Variants in TNRC6B observed in about 807,000 individuals in gnomAD.
The protein encoded by TNRC6B is trinucleotide repeat containing adaptor 6B.
Under a neutral mutation model 203.6 loss-of-function variants are expected in TNRC6B, and 52 were observed. The observed-to-expected ratio is 0.26, with a 90% CI of 0.20 to 0.32. The LOEUF (loss-of-function observed/expected upper bound fraction) is 0.32. Among genes scored for constraint, TNRC6B ranks in the 10% least tolerant of loss-of-function variants. TNRC6B has a pLI of 1.00. For missense variants in TNRC6B, 1,923 were observed against 2,286.2 expected, an observed-to-expected ratio of 0.84 and a Z score of 3.24; for synonymous variants, 838 against 845.7, an observed-to-expected ratio of 0.99 and a Z score of 0.16.
intron 7 of TNRC6B, chr22:40,276,766 C>T (rs907203558): frequency 1.4e-5 from 3 of 208,426 alleles, no homozygotes; most frequent in African/African-American, 6.9e-5. Flanking sequence ...TGAAAGTAGT[C>T]GTGTGCAAAA....
rs372820414 is a variant in TNRC6B, at chr22:40,102,463, C to T, written c.-120-14592C>T. Reference sequence around the variant, plus strand: ...TTATTTCTTAATTTTTAAAAGCTGACTTCTGTCTTAGTCTTACATGATTTG... The same window carrying T: ...TTATTTCTTAATTTTTAAAAGCTGATTTCTGTCTTAGTCTTACATGATTTG... On this transcript the variant is annotated intron_variant, in intron 1 of 23. Coordinates refer to the TNRC6B transcript ENST00000301923. Among the ~76,000 whole-genome samples the T allele has an allele frequency of 2.8e-4, 43 of 152,218 alleles. No individual in the cohort carries two copies. The South Asian group carries it at 8.5e-3, about 30-fold the overall frequency.
intron 1 of TNRC6B, among the ~76,000 whole-genome samples, chr22:40,085,745 A>G (rs777576090): frequency 6.6e-6 from 1 of 152,232 alleles, no homozygotes; most frequent in Non-Finnish European, 1.5e-5. Context: ...GTTAACAGCT[A>G]TTGAAGAGCA....
At chr22:40,136,241 A>G (rs1322278782) in intron 3 of TNRC6B, among the ~76,000 whole-genome samples, 2 of 152,190 alleles carry the variant, frequency 1.3e-5, no homozygotes, top group Non-Finnish European at 2.9e-5. Flanking sequence ...AGTTGTAGAG[A>G]TTCTGTAGCT....
At chr22:40,152,607 C>G (rs538889057) in intron 3 of TNRC6B, among the ~76,000 whole-genome samples, 1 of 151,730 alleles carries the variant, frequency 6.6e-6, no homozygotes, top group South Asian at 2.1e-4. Flanking sequence ...GGATTACAGG[C>G]GTGAGCCATC....
intron 6 of TNRC6B, 51 bp downstream of exon 6, chr22:40,270,331 T>C (rs956736715): frequency 3.2e-6 from 4 of 1,235,418 alleles, no homozygotes; most frequent in South Asian, 2.0e-5. Context: ...TTTTTTTTTT[T>C]AATTGAGACG....
chr22:40,046,282 T>C (rs962374049), intron 1 of TNRC6B, among the ~76,000 whole-genome samples: 8 of 152,230 alleles, frequency 5.3e-5, no homozygotes, highest in African/African-American at 1.4e-4. Flanking sequence ...ATGCCTCTTA[T>C]AGAGCGGAAC....
At chr22:40,247,941 G>C (rs1181962147) in intron 2 of TNRC6B, among the ~76,000 whole-genome samples, 2 of 152,096 alleles carry the variant, frequency 1.3e-5, no homozygotes. Flanking sequence ...CGAGTGTGGT[G>C]GTGCACACCT....
intron 4 of TNRC6B, among the ~76,000 whole-genome samples, chr22:40,169,696 T>G (rs1391355546): frequency 1.3e-5 from 2 of 152,154 alleles, no homozygotes; most frequent in Non-Finnish European, 2.9e-5. Context: ...CAGGAAGAGC[T>G]TCTAGAAATA....
At chr22:40,121,085 G>C (rs1480910825) in intron 2 of TNRC6B, among the ~76,000 whole-genome samples, 2 of 152,178 alleles carry the variant, frequency 1.3e-5, no homozygotes, top group African/African-American at 4.8e-5. Context: ...ATTGTCCCAT[G>C]TGGAAGGAAG....
rs6001880 is a variant in TNRC6B, at chr22:40,321,649, G to C, written c.5114+420G>C. The C allele has an allele frequency of 1.2e-3, 208 of 169,084 alleles. 1 individual carries two copies. The highest frequency in any genetic ancestry group is 4.8e-3 in the African/African-American group (202 of 42,374). 10.5% of individuals were successfully genotyped at this position (169,084 alleles called of 1,614,324 possible). A position where few individuals can be genotyped will look rare whatever the true frequency, so the allele number is the denominator to read the frequency against. On this transcript the variant is annotated intron_variant, in intron 22 of 22. Transcript: ENST00000454349. ...AAAACACAAAAAATCAGCCAGGCGT[G>C]GGGGCGCATGCCTGTAGTCCCAGCT...
At chr22:40,062,860 C>T (rs2067865669) in intron 1 of TNRC6B, among the ~76,000 whole-genome samples, 1 of 151,674 alleles carries the variant, frequency 6.6e-6, no homozygotes, top group Non-Finnish European at 1.5e-5. Context: ...GATATAAATC[C>T]CTTTTTAGAC....
chr22:40,174,396 G>A (rs2069035233), upstream of TNRC6B, among the ~76,000 whole-genome samples: 1 of 152,050 alleles, frequency 6.6e-6, no homozygotes, highest in African/African-American at 2.4e-5. Flanking sequence ...GGCCAAGCTG[G>A]TCTCGAACTC....
intron 12 of TNRC6B, among the ~76,000 whole-genome samples, chr22:40,296,738 G>C (rs1402315218): frequency 6.6e-6 from 1 of 150,962 alleles, no homozygotes; most frequent in Non-Finnish European, 1.5e-5. Context: ...AGCGATTCTC[G>C]TGCCTCAGCT....
chr22:40,302,759 G>C (rs1366662505), intron 15 of TNRC6B, among the ~76,000 whole-genome samples: 1 of 152,186 alleles, frequency 6.6e-6, no homozygotes, highest in African/African-American at 2.4e-5. Context: ...GCACGTGCAG[G>C]GGGTGAGCAA....
chr22:40,148,783 C>T (rs867453028), intron 3 of TNRC6B, among the ~76,000 whole-genome samples: 4 of 150,870 alleles, frequency 2.7e-5, no homozygotes, highest in Middle Eastern at 3.4e-3. Flanking sequence ...GACTGGTGTT[C>T]ATATTAAAAG....
At chr22:40,148,801 C>T (rs2068719575) in intron 3 of TNRC6B, among the ~76,000 whole-genome samples, 1 of 152,052 alleles carries the variant, frequency 6.6e-6, no homozygotes, top group African/African-American at 2.4e-5. Flanking sequence ...AAGGGGGGAA[C>T]TTTGGACATA....
chr22:40,142,267 G>T, intron 3 of TNRC6B, among the ~76,000 whole-genome samples: 1 of 148,264 alleles, frequency 6.7e-6, no homozygotes, highest in Non-Finnish European at 1.5e-5. Context: ...CCACTATGTT[G>T]CCCAGGCTGG....
At chr22:40,308,367 G>A (rs1471516775) in intron 15 of TNRC6B, 145 bp from the exon 16 acceptor site, 6 of 932,666 alleles carry the variant, frequency 6.4e-6, no homozygotes, top group African/African-American at 3.3e-5. Flanking sequence ...CAAGATCAAA[G>A]CTTGGAATCA....
At chr22:40,200,228 A>G (rs958854984) in intron 1 of TNRC6B, among the ~76,000 whole-genome samples, 1 of 150,786 alleles carries the variant, frequency 6.6e-6, no homozygotes, top group African/African-American at 2.4e-5. Context: ...GCAAATTTAC[A>G]TAAGTTTGAG....
Sources: allele counts gnomAD v4.1 joint callset (sites outside exome capture counted in the v4.1 genomes callset), GRCh38; gene constraint gnomAD v4.1.1; transcripts MANE v1.5; gene names NCBI Gene and HGNC (gene_info 2026-07-23, HGNC 2026-07-21).